SCML4: variants seen among roughly 807,000 people sequenced by gnomAD.
The protein encoded by SCML4 is sex comb on midleg-like protein 4.
In SCML4, 34 loss-of-function variants were observed where a neutral mutation model predicts 41.1. The ratio of observed to expected loss-of-function variants is 0.83; its 90% CI spans 0.63 to 1.10. The LOEUF (loss-of-function observed/expected upper bound fraction) is 1.10. Among genes scored for constraint, SCML4 ranks in the 50% least tolerant of loss-of-function variants. The pLI is 0.00. For missense variants in SCML4, 522 were observed against 534.1 expected (o/e 0.98, Z 0.22); for synonymous variants, 214 against 220.9 (o/e 0.97, Z 0.28).
At chr6:107,839,666 G>A in the SCML4 span, among the ~76,000 whole-genome samples, 13 of 152,092 alleles carry the variant, frequency 8.5e-5, no homozygotes, top group Non-Finnish European at 1.9e-4. Flanking sequence ...ATTAAAAAAT[G>A]TGGAAGACAC....
rs139673768 is a variant in SCML4 at position 107,720,896 on chromosome 6, G to A, written c.780C>T (p.Ser260=). Residue 260 remains serine (S), a synonymous_variant, in exon 6 of 8, where the codon TCC becomes TCT. Transcript: ENST00000369020. The part of the protein sequence containing the change: ...TSASTFNHRG[S]LHPSSSLYCK... ...AGTACAGCGAGGAGGAGGGGTGCAA[G>A]GAGCCCCTGTGGTTAAAGGTGGAGG... is the stretch of plus-strand genomic sequence containing the variant. 6.5e-3 allele frequency: 10,515 copies of A among 1,614,190 alleles called. 43 individuals carry two copies. The highest frequency in any genetic ancestry group is 0.012 in the Middle Eastern group (72 of 6,062).
the SCML4 span, among the ~76,000 whole-genome samples, chr6:107,834,240 G>C: frequency 6.6e-6 from 1 of 152,174 alleles, no homozygotes; most frequent in African/African-American, 2.4e-5. Context: ...CTAAAAACAA[G>C]ACTGGATCTC....
intron 1 of SCML4, among the ~76,000 whole-genome samples, chr6:107,778,222 A>AATATATATATATAT (rs1163805768): frequency 2.2e-3 from 34 of 15,210 alleles, no homozygotes; most frequent in Admixed American, 4.4e-3. Flanking sequence ...AAAAAAAAAA[A>AATATATATATATAT]ATATATATAT....
At chr6:107,843,226 TG>T in the SCML4 span, among the ~76,000 whole-genome samples, 3 of 151,978 alleles carry the variant, frequency 2.0e-5, no homozygotes, top group Non-Finnish European at 2.9e-5. Context: ...AACAAACGAT[TG>T]ATCAAAAATG....
intron 2 of SCML4, among the ~76,000 whole-genome samples, chr6:107,756,085 T>C (rs1779084914): frequency 6.6e-6 from 1 of 152,196 alleles, no homozygotes; most frequent in Non-Finnish European, 1.5e-5. Flanking sequence ...AACTCTCCCA[T>C]GCATAAAAAT....
chr6:107,800,269 T>C (rs1311573455), intron 1 of SCML4, among the ~76,000 whole-genome samples: 3 of 152,240 alleles, frequency 2.0e-5, no homozygotes, highest in African/African-American at 4.8e-5. Context: ...CAGTGGATAA[T>C]GTAACATACT....
chr6:107,757,625 A>T (rs1205765767), intron 2 of SCML4, among the ~76,000 whole-genome samples: 1 of 152,222 alleles, frequency 6.6e-6, no homozygotes, highest in Non-Finnish European at 1.5e-5. Flanking sequence ...TTAGGCCCTC[A>T]GAGCCTGCCT....
At chr6:107,813,181 A>G (rs1157327884) in intron 1 of SCML4, among the ~76,000 whole-genome samples, 1 of 150,622 alleles carries the variant, frequency 6.6e-6, no homozygotes, top group African/African-American at 2.4e-5. Context: ...TGGCAACATG[A>G]TGAAACCCCG....
chr6:107,794,688 T>C (rs1401429083), intron 1 of SCML4, among the ~76,000 whole-genome samples: 10 of 152,192 alleles, frequency 6.6e-5, no homozygotes, highest in Non-Finnish European at 1.0e-4. Context: ...TTCGATAACC[T>C]AGCTGAGTAG....
intron 5 of SCML4, among the ~76,000 whole-genome samples, chr6:107,740,404 G>T (rs1392313317): frequency 1.3e-5 from 2 of 152,240 alleles, no homozygotes; most frequent in African/African-American, 4.8e-5. Context: ...CATGGCTTCA[G>T]TGTGAACACA....
At position 107,746,858 on chromosome 6, in the gene SCML4, C is replaced by A; in HGVS notation, c.318G>T (p.Ala106=). 25 of 1,613,696 alleles carry A rather than the reference C, an allele frequency of 1.5e-5. No homozygotes were observed. Among genetic ancestry groups the A allele is most frequent in the Non-Finnish European group, 1.9e-5 (23 of 1,179,798 alleles). The part of the protein sequence containing the change: ...VCLYINKQAN[A]GPYLERKKVQ... The stretch of plus-strand genomic sequence containing the variant: ...CCTTCTTCCTCTCCAGATAGGGCCC[C>A]GCATTGGCCTGCTTGTTGATGTAGA... Residue 106 remains alanine, a synonymous_variant, in exon 4 of 8, where the codon GCG becomes GCT. Coordinates refer to ENST00000369020, the MANE Select transcript of SCML4 (RefSeq NM_198081.5).
intron 1 of SCML4, among the ~76,000 whole-genome samples, chr6:107,786,524 T>C (rs1781908957): frequency 6.6e-6 from 1 of 152,216 alleles, no homozygotes; most frequent in Non-Finnish European, 1.5e-5. Context: ...CTACAACATG[T>C]TATTCTGTTT....
intron 6 of SCML4, among the ~76,000 whole-genome samples, chr6:107,715,528 A>C (rs893389479): frequency 2.6e-5 from 4 of 151,926 alleles, no homozygotes; most frequent in African/African-American, 9.7e-5. Context: ...TGTCTTGTTA[A>C]ATGCCCAAGT....
At chr6:107,730,249 G>A (rs1352117932) in intron 5 of SCML4, among the ~76,000 whole-genome samples, 3 of 152,246 alleles carry the variant, frequency 2.0e-5, no homozygotes, top group Admixed American at 1.3e-4. Context: ...GCAAACACCA[G>A]ATGGGGCCAG....
intron 5 of SCML4, among the ~76,000 whole-genome samples, chr6:107,733,975 G>A (rs1229336630): frequency 2.0e-5 from 3 of 152,184 alleles, no homozygotes; most frequent in South Asian, 2.1e-4. Context: ...ACGGAGAATC[G>A]AGGAGTGGGG....
chr6:107,844,888 T>C, the SCML4 span, among the ~76,000 whole-genome samples: 145,334 of 150,256 alleles, frequency 0.97, 70,432 homozygotes, highest in Non-Finnish European at 1. Context: ...ATAGTAAGAC[T>C]ACGACTCAAC....
At chr6:107,720,628 C>G (rs751670776) in intron 6 of SCML4, 75 bp downstream of exon 6, 32 of 1,453,012 alleles carry the variant, frequency 2.2e-5, no homozygotes, top group Non-Finnish European at 2.8e-5. Flanking sequence ...ACTCCCCCTT[C>G]CCCAGATGCT....
chr6:107,815,544 C>T (rs1252322218), intron 1 of SCML4, among the ~76,000 whole-genome samples: 2 of 152,180 alleles, frequency 1.3e-5, no homozygotes, highest in African/African-American at 2.4e-5. Context: ...TCACACCACC[C>T]GCAGCAGCTC....
chr6:107,773,007 TAATAAGCAATAGGAG>T (rs988476779), intron 1 of SCML4, among the ~76,000 whole-genome samples: 3 of 152,140 alleles, frequency 2.0e-5, no homozygotes, highest in Non-Finnish European at 4.4e-5. Flanking sequence ...GCAACCCAAA[TAATAAGCAATAGGAG>T]AATACTTAAT....
Sources: gnomAD v4.1 joint callset for allele counts (sites outside exome capture counted in the v4.1 genomes callset) on GRCh38, gnomAD v4.1.1 for gene constraint, MANE v1.5 for transcripts, NCBI Gene and HGNC (gene_info 2026-07-23, HGNC 2026-07-21) for gene names.